Variants in CCSER1 observed in about 807,000 individuals in gnomAD.
CCSER1 encodes the protein serine-rich coiled-coil domain-containing protein 1.
A neutral mutation model predicts 82.0 loss-of-function variants in CCSER1; 41 were observed. That is an observed-to-expected ratio of 0.50 (90% CI 0.39 to 0.65). The LOEUF (loss-of-function observed/expected upper bound fraction) is 0.65. Ranked by LOEUF, CCSER1 falls within the 30% of genes least tolerant of loss-of-function variation. CCSER1 has a pLI of 0.00. For missense variants in CCSER1, 1,119 were observed against 1,064.2 expected (o/e 1.05, Z -0.72); for synonymous variants, 414 against 383.9 (o/e 1.08, Z -0.92).
intron 8 of CCSER1, among the ~76,000 whole-genome samples, chr4:90,842,622 A>G (rs1762717956): frequency 6.6e-6 from 1 of 152,226 alleles, no homozygotes; most frequent in Non-Finnish European, 1.5e-5. Flanking sequence ...TGATCATTGA[A>G]GAGAACCATC....
At chr4:90,630,558 AAT>A (rs1724187198) in intron 6 of CCSER1, among the ~76,000 whole-genome samples, 1 of 152,122 alleles carries the variant, frequency 6.6e-6, no homozygotes, top group African/African-American at 2.4e-5. Context: ...AACAATACTT[AAT>A]ATATGTTTGT....
At chr4:90,189,588 G>C (rs1173102945) in intron 1 of CCSER1, among the ~76,000 whole-genome samples, 1 of 151,730 alleles carries the variant, frequency 6.6e-6, no homozygotes, top group Non-Finnish European at 1.5e-5. Context: ...ATACCATAGA[G>C]ACGTTGTGTT....
chr4:90,354,004 T>C (rs1743978423), intron 3 of CCSER1, among the ~76,000 whole-genome samples: 1 of 152,228 alleles, frequency 6.6e-6, no homozygotes, highest in Non-Finnish European at 1.5e-5. Context: ...CCGTGTTCAT[T>C]GCAGCATTCT....
In CCSER1 at chr4:91,603,899, A is replaced by G. The variant is rs1284018427; in HGVS notation, c.*4842A>G. 1.3e-5 allele frequency: 2 copies of G among 151,846 alleles called. No individual in the cohort carries two copies. The highest frequency in any genetic ancestry group is 2.9e-5 in the Non-Finnish European group (2 of 67,940). The allele number at this position is 151,846 out of a possible 1,614,324, so 9.4% of individuals were successfully genotyped here. On this transcript the variant is annotated 3_prime_UTR_variant, in exon 11 of 11. Coordinates refer to ENST00000509176, the MANE Select transcript of CCSER1 (RefSeq NM_001145065.2). Reference sequence around the variant, plus strand: ...TCTTCCTCTTCTAATAACTACAATAATTTCATCATGGGGGCCCCACCCTCA... The same window carrying G: ...TCTTCCTCTTCTAATAACTACAATAGTTTCATCATGGGGGCCCCACCCTCA...
At chr4:90,739,340 T>G (rs1329590709) in intron 7 of CCSER1, among the ~76,000 whole-genome samples, 1 of 152,164 alleles carries the variant, frequency 6.6e-6, no homozygotes, top group Non-Finnish European at 1.5e-5. Flanking sequence ...AATACCCAAG[T>G]TGGAAGACAA....
chr4:91,166,872 C>T (rs925179313), intron 10 of CCSER1, among the ~76,000 whole-genome samples: 21 of 151,550 alleles, frequency 1.4e-4, no homozygotes, highest in African/African-American at 4.9e-4. Flanking sequence ...TTTTTTAAAC[C>T]TGGAAAACCC....
rs559145956 is a variant in CCSER1, at chr4:90,471,558, A to G, written c.1724+3204A>G. 2.1e-3 allele frequency among the ~76,000 whole-genome samples: 313 copies of G among 152,234 alleles called. 1 individual carries two copies. The highest frequency in any genetic ancestry group is 3.4e-3 in the Non-Finnish European group (229 of 68,022). On this transcript the variant is annotated intron_variant, in intron 5 of 10. Coordinates refer to ENST00000509176, the MANE Select transcript of CCSER1 (RefSeq NM_001145065.2). Reference sequence around the variant, plus strand: ...ATAATAGAGATGCAAGAACATATAAATTTTGTAATTTTTTTGCAACAAATA... The same window carrying G: ...ATAATAGAGATGCAAGAACATATAAGTTTTGTAATTTTTTTGCAACAAATA...
intron 7 of CCSER1, among the ~76,000 whole-genome samples, chr4:90,745,735 G>C (rs1747327424): frequency 7.3e-6 from 1 of 137,566 alleles, no homozygotes; most frequent in Non-Finnish European, 1.5e-5. Context: ...TGCCACCCAG[G>C]CTGGAGTGCG....
chr4:90,319,265 A>G (rs938490755), intron 3 of CCSER1, among the ~76,000 whole-genome samples: 1 of 152,130 alleles, frequency 6.6e-6, no homozygotes, highest in African/African-American at 2.4e-5. Flanking sequence ...CACTTGTACA[A>G]TCCGCCAAGC....
intron 3 of CCSER1, among the ~76,000 whole-genome samples, chr4:90,375,730 A>C (rs754216721): frequency 6.6e-6 from 1 of 152,136 alleles, no homozygotes; most frequent in African/African-American, 2.4e-5. Context: ...AACATTGCCA[A>C]ACCTCTGGAT....
chr4:91,104,911 G>A (rs557229727), intron 10 of CCSER1, among the ~76,000 whole-genome samples: 6 of 151,970 alleles, frequency 3.9e-5, no homozygotes, highest in Non-Finnish European at 7.4e-5. Flanking sequence ...TTTTCTTTTT[G>A]GTATAAATTC....
At chr4:90,862,264 A>T (rs975940111) in intron 8 of CCSER1, among the ~76,000 whole-genome samples, 2 of 151,876 alleles carry the variant, frequency 1.3e-5, no homozygotes, top group South Asian at 2.1e-4. Flanking sequence ...ATATGCACTT[A>T]AAAAGTGTCT....
chr4:90,911,643 G>A (rs111614526), intron 8 of CCSER1, among the ~76,000 whole-genome samples: 2,111 of 152,212 alleles, frequency 0.014, 23 homozygotes, highest in Non-Finnish European at 0.023. Flanking sequence ...CAGGACAGTG[G>A]GTGTAGCGCA....
intron 8 of CCSER1, chr4:90,918,440 C>A: frequency 2.9e-6 from 1 of 342,264 alleles, no homozygotes; most frequent in Non-Finnish European, 5.7e-6. Flanking sequence ...CATTAGATAT[C>A]CCTAGTCACT....
chr4:91,525,545 A>G (rs961139509), intron 10 of CCSER1, among the ~76,000 whole-genome samples: 2 of 152,158 alleles, frequency 1.3e-5, no homozygotes, highest in African/African-American at 4.8e-5. Context: ...TATAATGGAG[A>G]GAGTGTACAC....
chr4:91,037,231 G>GTC (rs368676229), intron 9 of CCSER1, among the ~76,000 whole-genome samples: 177 of 55,018 alleles, frequency 3.2e-3, no homozygotes, highest in African/African-American at 3.3e-3. Flanking sequence ...TTCTATCTCT[G>GTC]TCACACACAC....
intron 9 of CCSER1, among the ~76,000 whole-genome samples, chr4:90,970,337 G>A (rs775154900): frequency 9.9e-5 from 15 of 151,650 alleles, no homozygotes; most frequent in Non-Finnish European, 1.8e-4. Context: ...CATCAAGTGA[G>A]AAATTGTCAC....
At chr4:90,639,020 T>A (rs562473155) in intron 6 of CCSER1, among the ~76,000 whole-genome samples, 1 of 152,176 alleles carries the variant, frequency 6.6e-6, no homozygotes, top group South Asian at 2.1e-4. Flanking sequence ...AGCAATAAAA[T>A]GTGTACAGAA....
At chr4:90,957,134 G>A (rs373689609) in intron 9 of CCSER1, among the ~76,000 whole-genome samples, 35 of 97,330 alleles carry the variant, frequency 3.6e-4, no homozygotes, top group South Asian at 1.0e-3. Flanking sequence ...ACAGAGTCTC[G>A]CTCTGTCACC....
Sources: allele counts gnomAD v4.1 joint callset (sites outside exome capture counted in the v4.1 genomes callset), GRCh38; gene constraint gnomAD v4.1.1; transcripts MANE v1.5; gene names NCBI Gene and HGNC (gene_info 2026-07-23, HGNC 2026-07-21).